Variants in SLC9A9 observed in about 807,000 individuals in gnomAD.
SLC9A9 encodes the protein sodium/hydrogen exchanger 9.
SLC9A9 carries 62 observed loss-of-function variants against 77.8 expected under a neutral mutation model. That is an observed-to-expected ratio of 0.80 (90% CI 0.65 to 0.98). The LOEUF (loss-of-function observed/expected upper bound fraction) is 0.98, where lower values mean the gene tolerates loss of function less well. Among genes scored for constraint, SLC9A9 ranks in the 50% least tolerant of loss-of-function variants. The pLI is 0.00. For synonymous variants in SLC9A9, 320 were observed against 283.5 expected (o/e 1.13, Z -1.29); for missense variants, 775 against 774.9 (o/e 1.00, Z 0.00).
chr3:143,684,659 T>C (rs920014204), intron 5 of SLC9A9, among the ~76,000 whole-genome samples: 1 of 152,080 alleles, frequency 6.6e-6, no homozygotes, highest in Admixed American at 6.6e-5. Context: ...AAGAATACAA[T>C]TGAGACATTT....
chr3:143,319,716 T>C (rs1165791202), intron 14 of SLC9A9, among the ~76,000 whole-genome samples: 1 of 152,152 alleles, frequency 6.6e-6, no homozygotes, highest in African/African-American at 2.4e-5. Context: ...TCCTAAAGGA[T>C]AGACATACTG....
At chr3:143,415,608 G>T (rs1259945803) in intron 12 of SLC9A9, among the ~76,000 whole-genome samples, 2 of 152,190 alleles carry the variant, frequency 1.3e-5, no homozygotes, top group Non-Finnish European at 2.9e-5. Context: ...CTCAGAAAAA[G>T]ATTCCTTTCA....
At chr3:143,600,892 C>G (rs2037835514) in intron 6 of SLC9A9, among the ~76,000 whole-genome samples, 1 of 152,172 alleles carries the variant, frequency 6.6e-6, no homozygotes, top group Admixed American at 6.5e-5. Flanking sequence ...CTCTCTCACT[C>G]CTGGCAGGGC....
chr3:143,707,399 CA>C (rs779630744), intron 4 of SLC9A9, among the ~76,000 whole-genome samples: 21 of 151,716 alleles, frequency 1.4e-4, no homozygotes, highest in East Asian at 7.7e-4. Context: ...CACACACACA[CA>C]CCCCAGCTGG....
intron 14 of SLC9A9, among the ~76,000 whole-genome samples, chr3:143,344,056 G>T (rs2032188567): frequency 6.6e-6 from 1 of 152,152 alleles, no homozygotes; most frequent in Non-Finnish European, 1.5e-5. Flanking sequence ...TCATTAAGTG[G>T]ACAGATTCAC....
intron 1 of SLC9A9, among the ~76,000 whole-genome samples, chr3:143,836,455 G>A (rs2009572719): frequency 6.6e-6 from 1 of 152,178 alleles, no homozygotes; most frequent in African/African-American, 2.4e-5. Flanking sequence ...AGTTTATGTA[G>A]TCAGTCAGTT....
intron 9 of SLC9A9, among the ~76,000 whole-genome samples, chr3:143,510,465 C>G (rs1011424242): frequency 1.3e-5 from 2 of 152,012 alleles, no homozygotes; most frequent in South Asian, 4.2e-4. Context: ...ATGACTTTTC[C>G]ATTAATTAGC....
intron 6 of SLC9A9, among the ~76,000 whole-genome samples, chr3:143,605,600 A>G (rs913618811): frequency 2.6e-5 from 4 of 152,260 alleles, no homozygotes; most frequent in Admixed American, 2.0e-4. Flanking sequence ...TGGACTAAAC[A>G]AAGTACATCT....
intron 6 of SLC9A9, among the ~76,000 whole-genome samples, chr3:143,646,632 G>T (rs947001387): frequency 1.3e-5 from 2 of 151,912 alleles, no homozygotes; most frequent in Admixed American, 1.3e-4. Flanking sequence ...ACAACTTCTT[G>T]CTCAAATCAA....
At chr3:143,722,326 A>G (rs1425908002) in intron 4 of SLC9A9, among the ~76,000 whole-genome samples, 2 of 151,964 alleles carry the variant, frequency 1.3e-5, no homozygotes, top group South Asian at 4.2e-4. Context: ...ACAAAAAATT[A>G]GCCGGGCGTA....
chr3:143,388,442 T>G (rs2033478166), intron 12 of SLC9A9, among the ~76,000 whole-genome samples: 1 of 152,252 alleles, frequency 6.6e-6, no homozygotes, highest in Admixed American at 6.5e-5. Context: ...TATTTGCTAC[T>G]TCTATAACTT....
At chr3:143,755,309 A>C (rs1040871941) in intron 4 of SLC9A9, among the ~76,000 whole-genome samples, 1 of 152,190 alleles carries the variant, frequency 6.6e-6, no homozygotes, top group Non-Finnish European at 1.5e-5. Context: ...TTGGATCTAC[A>C]CTGGTACACA....
rs548825332 is a variant in SLC9A9, at chr3:143,361,312, A to G, written c.1604+2172T>C. 3.3e-5 allele frequency among the ~76,000 whole-genome samples: 5 copies of G among 152,292 alleles called. No homozygotes were observed. The South Asian group carries it at 1.0e-3, about 32-fold the overall frequency. On this transcript the variant is annotated intron_variant, in intron 14 of 15. Transcript: ENST00000316549. Reference sequence around the variant, plus strand: ...CTAACAGCTCCAAACTACATAGCCAATTTCTTTCAGCCTTGTGACAATTTC... The same window carrying G: ...CTAACAGCTCCAAACTACATAGCCAGTTTCTTTCAGCCTTGTGACAATTTC...
At chr3:143,688,884 C>A (rs1396174335) in intron 5 of SLC9A9, among the ~76,000 whole-genome samples, 1 of 151,822 alleles carries the variant, frequency 6.6e-6, no homozygotes, top group Non-Finnish European at 1.5e-5. Context: ...GGCATCTAAA[C>A]ATTGAAATGC....
At chr3:143,480,083 A>C (rs1055680484) in intron 11 of SLC9A9, among the ~76,000 whole-genome samples, 4 of 152,230 alleles carry the variant, frequency 2.6e-5, no homozygotes, top group African/African-American at 9.6e-5. Context: ...CTGAGGTTTG[A>C]ACGGGTTTAA....
chr3:143,485,579 T>C (rs838650), intron 11 of SLC9A9, among the ~76,000 whole-genome samples: 98,022 of 151,818 alleles, frequency 0.65, 32,494 homozygotes, highest in South Asian at 0.74. Flanking sequence ...ACAACAAAAT[T>C]AACAAGAATA....
intron 14 of SLC9A9, among the ~76,000 whole-genome samples, chr3:143,329,845 C>T (rs1421214704): frequency 1.3e-5 from 2 of 152,174 alleles, no homozygotes; most frequent in African/African-American, 4.8e-5. Flanking sequence ...CCTGCCCAGC[C>T]GTCAGCGCTC....
intron 14 of SLC9A9, among the ~76,000 whole-genome samples, chr3:143,270,441 G>A (rs562560406): frequency 1.3e-5 from 2 of 152,278 alleles, no homozygotes; most frequent in Non-Finnish European, 2.9e-5. Flanking sequence ...GGGTTTTCTG[G>A]AGAGCAAAGC....
intron 7 of SLC9A9, among the ~76,000 whole-genome samples, chr3:143,576,319 G>A (rs2037358442): frequency 6.6e-6 from 1 of 152,166 alleles, no homozygotes; most frequent in African/African-American, 2.4e-5. Flanking sequence ...AACACTTAGG[G>A]CAATGGCTGG....
Sources: gnomAD v4.1 joint callset for allele counts (sites outside exome capture counted in the v4.1 genomes callset) on GRCh38, gnomAD v4.1.1 for gene constraint, MANE v1.5 for transcripts, NCBI Gene and HGNC (gene_info 2026-07-23, HGNC 2026-07-21) for gene names.